The following SBNO2 variants were observed in gnomAD, a reference collection of about 807,000 sequenced individuals.
The protein encoded by SBNO2 is strawberry notch homolog 2, also known as protein strawberry notch homolog 2.
SBNO2 carries 89 observed loss-of-function variants against 146.3 expected under a neutral mutation model. The ratio of observed to expected loss-of-function variants is 0.61; its 90% CI spans 0.51 to 0.73. The LOEUF (loss-of-function observed/expected upper bound fraction) is 0.73, where lower values mean the gene tolerates loss of function less well. Ranked by LOEUF, SBNO2 falls within the 30% of genes least tolerant of loss-of-function variation. The pLI is 0.00. For missense variants in SBNO2, 2,092 were observed against 2,003.7 expected, an observed-to-expected ratio of 1.04 and a Z score of -0.84; for synonymous variants, 1,147 against 892.6, an observed-to-expected ratio of 1.29 and a Z score of -5.08.
At chr19:1,166,996 C>T (rs1250861385) in intron 1 of SBNO2, among the ~76,000 whole-genome samples, 1 of 152,252 alleles carries the variant, frequency 6.6e-6, no homozygotes, top group Non-Finnish European at 1.5e-5. Context: ...AGCTTAAGTC[C>T]AGCCTTGGTG....
Position 1,109,993 on chromosome 19 carries a change from G to A in SBNO2, c.3029-216C>T, listed in dbSNP as rs1197134650. Among the ~76,000 whole-genome samples the A allele has an allele frequency of 6.6e-6, 1 of 151,800 alleles. No individual in the cohort carries two copies. Among genetic ancestry groups the A allele is most frequent in the African/African-American group, 2.4e-5 (1 of 41,188 alleles). On this transcript the variant is annotated intron_variant, in intron 26 of 31. Transcript: ENST00000361757. This position sits in a 1 kb window ranked among gnomAD's most constrained non-coding sequence, Gnocchi z 4.2. ...GGTCCTAGGTAACCCCGAGCAGGCT[G>A]TGGGGGATCGTGGGAGCCTGGGGGC...
intron 5 of SBNO2, 118 bp downstream of exon 5, chr19:1,127,486 G>C (rs1555722298): frequency 1.0e-6 from 1 of 975,900 alleles, no homozygotes; most frequent in African/African-American, 1.6e-5. Flanking sequence ...ACAGTGACAG[G>C]CACAGCCATT....
chr19:1,111,328 C>T (rs2079756686), intron 24 of SBNO2, among the ~76,000 whole-genome samples, 178 bp downstream of exon 24: 1 of 152,164 alleles, frequency 6.6e-6, no homozygotes, highest in Non-Finnish European at 1.5e-5. Context: ...GAAACCCACC[C>T]GGCAGCTGCT....
rs960097905 is a variant in SBNO2 at position 1,112,266 on chromosome 19, C to G, written c.2551G>C (p.Glu851Gln). 1 of 1,591,614 alleles carries G rather than the reference C, an allele frequency of 6.3e-7. No individual in the cohort carries two copies. The highest frequency in any genetic ancestry group is 1.8e-5 in the Admixed American group (1 of 56,996). ...AGCTCCGAGATGAGGAAGACATACT[C>G]TGGCGCGGAGACCTGGTTGGACCGG... Reference protein sequence around the residue: ...THRSNQVSAPEYVFLISELAG... With the variant: ...THRSNQVSAPQYVFLISELAG... Residue 851 changes from glutamate to glutamine, a missense_variant, in exon 22 of 32, where the codon GAG becomes CAG. Physicochemically the swap from Glu to Gln is conservative, Grantham distance 29. Coordinates refer to ENST00000361757, the MANE Select transcript of SBNO2 (RefSeq NM_014963.3). The surrounding 1 kb of genome is among the most constrained non-coding windows in gnomAD (Gnocchi z 5.9).
In SBNO2 at chr19:1,149,438, G is replaced by A; in HGVS notation, c.98C>T (p.Ala33Val). 1 of 1,551,748 alleles carries A rather than the reference G, an allele frequency of 6.4e-7. No individual in the cohort carries two copies. The highest frequency in any genetic ancestry group is 8.7e-7 in the Non-Finnish European group (1 of 1,147,814). ...GTTCCAGTAGGGGCAGTGCAGCATGGCGCTCTAGAAGAGACAGCGGGCATC... is the reference window on the plus strand; with the variant it reads ...GTTCCAGTAGGGGCAGTGCAGCATGACGCTCTAGAAGAGACAGCGGGCATC... ...LLYSPPPLQS[A>V]MLHCPYWNTF... Residue 33 changes from alanine to valine, a missense_variant, in exon 3 of 32, where the codon GCC becomes GTC. Ala to Val is a moderately conservative substitution (Grantham distance 64). Transcript: ENST00000361757.
intron 2 of SBNO2, among the ~76,000 whole-genome samples, chr19:1,152,138 C>T (rs954940398): frequency 1.3e-5 from 2 of 152,212 alleles, no homozygotes; most frequent in Non-Finnish European, 2.9e-5. Context: ...GCCGGTTACG[C>T]GCACGGGTGC....
rs1568546115 is a variant in SBNO2, at chr19:1,108,708, C to CGGGCAGAGCGTCGGGGTCA, written c.3617-23_3617-5dup. On this transcript the variant is annotated splice_region_variant and splice_polypyrimidine_tract_variant and intron_variant, in intron 31 of 31. Coordinates refer to ENST00000361757, the MANE Select transcript of SBNO2 (RefSeq NM_014963.3). The stretch of plus-strand genomic sequence containing the variant: ...CAGCCCTCGGGGATCTTGATGCCTG[C>CGGGCAGAGCGTCGGGGTCA]GGGCAGAGCGTCGGGGTCAGGGCCG... 4 of 1,554,054 alleles carry CGGGCAGAGCGTCGGGGTCA rather than the reference C, an allele frequency of 2.6e-6. No individual in the cohort carries two copies. Among genetic ancestry groups the CGGGCAGAGCGTCGGGGTCA allele is most frequent in the Non-Finnish European group, 3.5e-6 (4 of 1,158,260 alleles).
At position 1,109,226 on chromosome 19, in the gene SBNO2, C is replaced by T; in HGVS notation, c.3349-15G>A. ...TCCGCGGTGACCTAGGGACACAGGGCCGCATGAGCCTGGGCGGGGTCAGGG... is the reference window on the plus strand; with the variant it reads ...TCCGCGGTGACCTAGGGACACAGGGTCGCATGAGCCTGGGCGGGGTCAGGG... On this transcript the variant is annotated splice_polypyrimidine_tract_variant and intron_variant, in intron 29 of 31. Transcript: ENST00000361757. The surrounding 1 kb of genome is among the most constrained non-coding windows in gnomAD (Gnocchi z 4.2). 6.4e-7 allele frequency: 1 copy of T among 1,569,836 alleles called. No homozygotes were observed. The highest frequency in any genetic ancestry group is 8.6e-7 in the Non-Finnish European group (1 of 1,158,206).
chr19:1,171,174 G>A (rs538797129), intron 1 of SBNO2, among the ~76,000 whole-genome samples: 4 of 151,228 alleles, frequency 2.6e-5, no homozygotes, highest in East Asian at 2.0e-4. Context: ...TGAAACACAC[G>A]AGCAACACAC....
At chr19:1,118,089 A>G (rs940914166) in intron 14 of SBNO2, among the ~76,000 whole-genome samples, 1 of 152,188 alleles carries the variant, frequency 6.6e-6, no homozygotes, top group African/African-American at 2.4e-5. Context: ...TAATCACAGC[A>G]CTTTGGGAGG....
chr19:1,112,763 C>A lies in SBNO2; in HGVS notation c.2379+55G>T. ...CCACAGTCCCCGGGGACCCTTGGGC[C>A]CCTCTGTGCCTCTTGGGTCCCGTGG... is the stretch of plus-strand genomic sequence containing the variant. On this transcript the variant is annotated intron_variant, in intron 20 of 31. Transcript: ENST00000361757. The surrounding 1 kb of genome is among the most constrained non-coding windows in gnomAD (Gnocchi z 5.9). The A allele has an allele frequency of 6.6e-7, 1 of 1,514,810 alleles. No homozygotes were observed. Among genetic ancestry groups the A allele is most frequent in the African/African-American group, 1.4e-5 (1 of 72,488 alleles). 93.8% of individuals were successfully genotyped at this position (1,514,810 alleles called of 1,614,324 possible). A position where few individuals can be genotyped will look rare whatever the true frequency, so the allele number is the denominator to read the frequency against.
At chr19:1,151,948 C>G (rs1347477199) in intron 2 of SBNO2, among the ~76,000 whole-genome samples, 10 of 152,174 alleles carry the variant, frequency 6.6e-5, no homozygotes, top group Non-Finnish European at 1.5e-4. Context: ...CAGGCGTGAA[C>G]CATTGTGCTG....
chr19:1,141,425 G>C (rs1173523798), intron 4 of SBNO2, among the ~76,000 whole-genome samples: 1 of 152,110 alleles, frequency 6.6e-6, no homozygotes, highest in Non-Finnish European at 1.5e-5. Context: ...ACGTTGGCCA[G>C]GATGGTCTCA....
chr19:1,132,011 C>T, intron 4 of SBNO2: 2 of 1,145,710 alleles, frequency 1.7e-6, no homozygotes, highest in South Asian at 1.6e-5. Context: ...CGGCAGGGGG[C>T]CCGGCCGTCC....
At chr19:1,134,152 T>G (rs564143575) in intron 4 of SBNO2, among the ~76,000 whole-genome samples, 313 of 119,414 alleles carry the variant, frequency 2.6e-3, no homozygotes, top group Middle Eastern at 4.5e-3. Flanking sequence ...AGCTCACGGG[T>G]GGACTCACAG....
At position 1,158,795 on chromosome 19, in the gene SBNO2, G is replaced by A. The variant is rs1011831577; in HGVS notation, c.-126-4393C>T. 6.6e-6 allele frequency among the ~76,000 whole-genome samples: 1 copy of A among 152,136 alleles called. No homozygotes were observed. The highest frequency in any genetic ancestry group is 2.4e-5 in the African/African-American group (1 of 41,400). Reference sequence around the variant, plus strand: ...AGGAGCAGGCCCCCGGGTGTCCCGGGAACCCCGCACAGAGCCACGGCCATA... The same window carrying A: ...AGGAGCAGGCCCCCGGGTGTCCCGGAAACCCCGCACAGAGCCACGGCCATA... On this transcript the variant is annotated intron_variant, in intron 1 of 31. Coordinates refer to ENST00000361757, the MANE Select transcript of SBNO2 (RefSeq NM_014963.3). The surrounding 1 kb of genome is among the most constrained non-coding windows in gnomAD (Gnocchi z 9.9).
At chr19:1,127,344 C>T (rs2079976847) in intron 5 of SBNO2, among the ~76,000 whole-genome samples, 1 of 151,798 alleles carries the variant, frequency 6.6e-6, no homozygotes, top group African/African-American at 2.4e-5. Flanking sequence ...AGCATCCTGG[C>T]CCCCCCCAAC....
chr19:1,141,201 T>C (rs938222762), intron 4 of SBNO2, among the ~76,000 whole-genome samples: 72 of 151,826 alleles, frequency 4.7e-4, no homozygotes, highest in Non-Finnish European at 7.4e-5. Context: ...AAGCTCTTAG[T>C]TTTTGCAATT....
chr19:1,109,062 C>T lies in SBNO2; in HGVS notation c.3425+73G>A. On this transcript the variant is annotated intron_variant, in intron 30 of 31. Transcript: ENST00000361757. This position sits in a 1 kb window ranked among gnomAD's most constrained non-coding sequence, Gnocchi z 4.2. The stretch of plus-strand genomic sequence containing the variant: ...GAGATCTCCCGCCTCCTCTCAGGGT[C>T]TCGGGAGCCCCCGATCCCCGCCTGG... 3 of 1,524,852 alleles carry T rather than the reference C, an allele frequency of 2.0e-6. No homozygotes were observed. The highest frequency in any genetic ancestry group is 1.8e-6 in the Non-Finnish European group (2 of 1,136,440). 94.5% of individuals were successfully genotyped at this position (1,524,852 alleles called of 1,614,324 possible).
Sources: gnomAD v4.1 joint callset for allele counts (sites outside exome capture counted in the v4.1 genomes callset) on GRCh38, gnomAD v4.1.1 for gene constraint, Gnocchi (gnomAD v3.1) non-coding constraint, MANE v1.5 for transcripts, NCBI Gene and HGNC (gene_info 2026-07-23, HGNC 2026-07-21) for gene names.